TLK2: variants seen among roughly 807,000 people sequenced by gnomAD.
The protein encoded by TLK2 is tousled like kinase 2.
A neutral mutation model predicts 117.3 loss-of-function variants in TLK2; 6 were observed. That is an observed-to-expected ratio of 0.05 (90% CI 0.03 to 0.10). The LOEUF (loss-of-function observed/expected upper bound fraction) is 0.10. Ranked by LOEUF, TLK2 falls within the 10% of genes least tolerant of loss-of-function variation. TLK2 has a pLI of 1.00. For synonymous variants in TLK2, 257 were observed against 316.7 expected, an observed-to-expected ratio of 0.81 and a Z score of 2.00; for missense variants, 299 against 901.2, an observed-to-expected ratio of 0.33 and a Z score of 8.56.
rs561335798 is a variant in TLK2, at chr17:62,522,157, G to A, written c.154-47G>A. On this transcript the variant is annotated intron_variant, in intron 3 of 21. Transcript: ENST00000346027. ...GTATACTCGCTGTTTTTCCTAACGTGAAAAATTTACCAAAATGCTAATTGT... is the reference window on the plus strand; with the variant it reads ...GTATACTCGCTGTTTTTCCTAACGTAAAAAATTTACCAAAATGCTAATTGT... 109 of 1,597,932 alleles carry A rather than the reference G, an allele frequency of 6.8e-5. No homozygotes were observed. The South Asian group carries it at 1.2e-3, about 18-fold the overall frequency.
intron 2 of TLK2, among the ~76,000 whole-genome samples, chr17:62,515,813 C>T (rs1041837955): frequency 1.3e-5 from 2 of 152,124 alleles, no homozygotes; most frequent in Non-Finnish European, 2.9e-5. Flanking sequence ...TTGTTTAATG[C>T]ACAGATTTTA....
At chr17:62,489,174 C>CGTGTGTGTGTGTGT (rs59470331) in intron 2 of TLK2, among the ~76,000 whole-genome samples, 5 of 140,740 alleles carry the variant, frequency 3.6e-5, no homozygotes, top group African/African-American at 1.1e-4. Context: ...TTTAATTGTA[C>CGTGTGTGTGTGTGT]GTGTGTGTGT....
At chr17:62,600,003 A>G (rs1194580487) in intron 17 of TLK2, among the ~76,000 whole-genome samples, 1 of 152,208 alleles carries the variant, frequency 6.6e-6, no homozygotes, top group Non-Finnish European at 1.5e-5. Context: ...TGTTAGAACC[A>G]TAGATACTAT....
intron 12 of TLK2, chr17:62,574,425 C>T (rs542761676): frequency 2.9e-5 from 32 of 1,090,734 alleles, no homozygotes; most frequent in South Asian, 1.9e-4. Context: ...GATGAACAGA[C>T]GAATAAACTA....
At chr17:62,471,899 T>TTTTTTTTTTTTTG (rs2070948306) in intron 1 of TLK2, among the ~76,000 whole-genome samples, 1 of 120,884 alleles carries the variant, frequency 8.3e-6, no homozygotes, top group South Asian at 3.0e-4. Flanking sequence ...TTTTTTTTTT[T>TTTTTTTTTTTTTG]TTTTTTTTTT....
At chr17:62,587,822 A>G (rs900965196) in intron 16 of TLK2, among the ~76,000 whole-genome samples, 3 of 152,086 alleles carry the variant, frequency 2.0e-5, no homozygotes, top group East Asian at 3.9e-4. Context: ...AGGAAAGCAC[A>G]TGTTGTTCTG....
At chr17:62,538,277 C>T (rs1319510646) in intron 7 of TLK2, among the ~76,000 whole-genome samples, 3 of 151,970 alleles carry the variant, frequency 2.0e-5, no homozygotes, top group African/African-American at 4.8e-5. Flanking sequence ...CCTCGTGATC[C>T]GCCCGCCTCA....
chr17:62,610,602 A>G (rs147476189), intron 21 of TLK2, among the ~76,000 whole-genome samples: 1 of 152,170 alleles, frequency 6.6e-6, no homozygotes, highest in Non-Finnish European at 1.5e-5. Flanking sequence ...CTTGAATGGT[A>G]TGAAGGTGGG....
chr17:62,556,618 G>A (rs955903960), intron 9 of TLK2, among the ~76,000 whole-genome samples: 5 of 152,012 alleles, frequency 3.3e-5, no homozygotes, highest in African/African-American at 4.8e-5. Flanking sequence ...CAAGCATTTC[G>A]TATTTCAGAG....
chr17:62,530,348 T>G (rs1210296455), intron 6 of TLK2, among the ~76,000 whole-genome samples: 2 of 152,072 alleles, frequency 1.3e-5, no homozygotes, highest in African/African-American at 4.8e-5. Flanking sequence ...CACCTTGTAG[T>G]CCCAGCTACT....
chr17:62,558,159 T>C (rs1187623602), intron 9 of TLK2, among the ~76,000 whole-genome samples: 1 of 151,942 alleles, frequency 6.6e-6, no homozygotes, highest in Non-Finnish European at 1.5e-5. Flanking sequence ...GCTGCTTTTT[T>C]TTTTTCTTTT....
chr17:62,568,286 G>A lies in TLK2; in HGVS notation c.968+3149G>A, dbSNP rs191253254. Among the ~76,000 whole-genome samples the A allele has an allele frequency of 2.4e-3, 358 of 151,986 alleles. 2 individuals carry two copies. The highest frequency in any genetic ancestry group is 6.6e-3 in the African/African-American group (275 of 41,470). ...GTCTTTACTAAAAATACAAAAATTAGTTGGGCATGGTGACACACGCCTGTA... is the reference window on the plus strand; with the variant it reads ...GTCTTTACTAAAAATACAAAAATTAATTGGGCATGGTGACACACGCCTGTA... On this transcript the variant is annotated intron_variant, in intron 11 of 21. Transcript: ENST00000346027.
intron 12 of TLK2, among the ~76,000 whole-genome samples, chr17:62,574,170 A>G (rs1002477232): frequency 6.6e-6 from 1 of 152,162 alleles, no homozygotes; most frequent in African/African-American, 2.4e-5. Context: ...GTATAATAAT[A>G]CTTGTATTAT....
intron 15 of TLK2, among the ~76,000 whole-genome samples, chr17:62,584,537 C>T (rs1041998061): frequency 2.6e-5 from 4 of 151,898 alleles, no homozygotes; most frequent in African/African-American, 9.7e-5. Context: ...CATTTTTGGC[C>T]GGGCATGGCC....
rs551911182 is a variant in TLK2 at position 62,498,089 on chromosome 17, C to G, written c.81+16883C>G. Reference sequence around the variant, plus strand: ...ACTTACTGAAGATATGAAGAACAAACCTTTATACCTGATAATGTCCATGTT... The same window carrying G: ...ACTTACTGAAGATATGAAGAACAAAGCTTTATACCTGATAATGTCCATGTT... On this transcript the variant is annotated intron_variant, in intron 2 of 21. Coordinates refer to ENST00000346027, the MANE Select transcript of TLK2 (RefSeq NM_006852.6). Among the ~76,000 whole-genome samples the G allele has an allele frequency of 1.6e-4, 25 of 152,238 alleles. No individual in the cohort carries two copies. In the South Asian group the frequency reaches 5.2e-3, roughly 32 times the overall value.
In TLK2 at chr17:62,536,028, C is replaced by T. The variant is rs897892189; in HGVS notation, c.364-142C>T. The T allele has an allele frequency of 4.4e-6, 4 of 907,456 alleles. No homozygotes were observed. The Admixed American group carries it at 1.2e-4, about 28-fold the overall frequency. 56.2% of individuals were successfully genotyped at this position (907,456 alleles called of 1,614,324 possible). On this transcript the variant is annotated intron_variant, in intron 6 of 21. Transcript: ENST00000346027. ...ATAATACAATGATAATGTTGGTATG[C>T]TCTCCATAATTATTTTTAGAGAGGC...
At chr17:62,498,617 C>T (rs2073925485) in intron 2 of TLK2, among the ~76,000 whole-genome samples, 1 of 152,162 alleles carries the variant, frequency 6.6e-6, no homozygotes, top group South Asian at 2.1e-4. Context: ...TCTCGAACTC[C>T]TGACCTCAGG....
chr17:62,515,040 C>T (rs2075463247), intron 2 of TLK2, among the ~76,000 whole-genome samples: 2 of 152,228 alleles, frequency 1.3e-5, no homozygotes, highest in Admixed American at 6.5e-5. Context: ...ACCTTCCTCC[C>T]CAACCCCTGG....
In TLK2 at chr17:62,522,428, G is replaced by A. The variant is rs531698616; in HGVS notation, c.223+155G>A. On this transcript the variant is annotated intron_variant, in intron 4 of 21. Coordinates refer to ENST00000346027, the MANE Select transcript of TLK2 (RefSeq NM_006852.6). Reference sequence around the variant, plus strand: ...ATATCAGACTGTTTATTACAGACTTGCCATTTGGTATACACCTGACAGAAC... The same window carrying A: ...ATATCAGACTGTTTATTACAGACTTACCATTTGGTATACACCTGACAGAAC... 2.6e-5 allele frequency among the ~76,000 whole-genome samples: 4 copies of A among 152,296 alleles called. 1 individual carries two copies. Among genetic ancestry groups the A allele is most frequent in the African/African-American group, 9.6e-5 (4 of 41,570 alleles).
Sources: allele counts gnomAD v4.1 joint callset (sites outside exome capture counted in the v4.1 genomes callset), GRCh38; gene constraint gnomAD v4.1.1; transcripts MANE v1.5; gene names NCBI Gene and HGNC (gene_info 2026-07-23, HGNC 2026-07-21).